Variants in DHRS12 observed in about 807,000 individuals in gnomAD.
DHRS12 encodes dehydrogenase/reductase 12, also known as dehydrogenase/reductase SDR family member 12.
DHRS12 carries 29 observed loss-of-function variants against 32.1 expected under a neutral mutation model. The observed-to-expected ratio is 0.90, with a 90% CI of 0.67 to 1.23. The LOEUF (loss-of-function observed/expected upper bound fraction) is 1.23, where lower values mean the gene tolerates loss of function less well. DHRS12 is among the 50% of genes most tolerant of loss of function. DHRS12 has a pLI of 0.00. For missense variants in DHRS12, 330 were observed against 337.2 expected (o/e 0.98, Z 0.17); for synonymous variants, 150 against 135.9 (o/e 1.10, Z -0.72).
At chr13:51,790,785 A>G (rs1181933175) in intron 3 of DHRS12, among the ~76,000 whole-genome samples, 1 of 152,196 alleles carries the variant, frequency 6.6e-6, no homozygotes, top group Admixed American at 6.5e-5. Flanking sequence ...TGTGCTAATT[A>G]TGTTACTAAA....
At chr13:51,801,478 G>A (rs1405480660) in intron 1 of DHRS12, among the ~76,000 whole-genome samples, 7 of 152,256 alleles carry the variant, frequency 4.6e-5, no homozygotes, top group Non-Finnish European at 2.9e-5. Context: ...ATAAGCCACC[G>A]CACCCAGGTG....
At chr13:51,768,907 G>A (rs2138868928) in intron 8 of DHRS12, 1 of 1,385,398 alleles carries the variant, frequency 7.2e-7, no homozygotes, top group East Asian at 2.9e-5. Context: ...GGTAGGAACT[G>A]CCTCTCCCGT....
chr13:51,767,746 GCACAGT>G (rs1465976685), downstream of DHRS12: 4 of 157,582 alleles, frequency 2.5e-5, no homozygotes, highest in African/African-American at 1.1e-4. Context: ...CTGGGACCAT[GCACAGT>G]AAAGGCAGTG....
chr13:51,789,036 T>G (rs1044875471), intron 4 of DHRS12, among the ~76,000 whole-genome samples: 1 of 152,228 alleles, frequency 6.6e-6, no homozygotes, highest in South Asian at 2.1e-4. Flanking sequence ...GCTCTTGCAC[T>G]GAGCCATGCC....
In DHRS12 at chr13:51,803,183, C is replaced by G. The variant is rs541859032; in HGVS notation, c.-9+871G>C. 1.1e-4 allele frequency among the ~76,000 whole-genome samples: 17 copies of G among 152,270 alleles called. No individual in the cohort carries two copies. The South Asian group carries it at 3.5e-3, about 32-fold the overall frequency. ...AGCAGGGAGTTGCAACTCCTACCTCCCCTAGGAGTGCTGGCCAGGTTGCCG... is the reference window on the plus strand; with the variant it reads ...AGCAGGGAGTTGCAACTCCTACCTCGCCTAGGAGTGCTGGCCAGGTTGCCG... On this transcript the variant is annotated intron_variant, in intron 1 of 8. Transcript: ENST00000444610.
chr13:51,795,725 C>T (rs917736959), intron 2 of DHRS12, among the ~76,000 whole-genome samples: 7 of 152,192 alleles, frequency 4.6e-5, no homozygotes, highest in South Asian at 2.1e-4. Context: ...AGAGGAGATT[C>T]GCCATCACCA....
intron 4 of DHRS12, chr13:51,789,759 A>G (rs546841382): frequency 1.0e-6 from 1 of 985,456 alleles, no homozygotes; most frequent in Admixed American, 6.1e-5. Context: ...ATGTCTATAA[A>G]CAGCCTAGCG....
At chr13:51,798,408 A>G (rs1029566567) in intron 2 of DHRS12, among the ~76,000 whole-genome samples, 1 of 152,246 alleles carries the variant, frequency 6.6e-6, no homozygotes, top group East Asian at 1.9e-4. Context: ...AGCAGCCCTC[A>G]TATTATCCCA....
intron 6 of DHRS12, 92 bp from the exon 7 acceptor site, chr13:51,772,003 T>A: frequency 8.0e-7 from 1 of 1,246,378 alleles, no homozygotes. Context: ...CTGGCTTATC[T>A]TACACTGGAC....
chr13:51,785,234 A>T (rs913160169), intron 4 of DHRS12, among the ~76,000 whole-genome samples: 3 of 152,204 alleles, frequency 2.0e-5, no homozygotes, highest in Non-Finnish European at 4.4e-5. Flanking sequence ...TCTCAAAAAA[A>T]ACCAGAATGT....
chr13:51,771,397 G>A lies in DHRS12; in HGVS notation c.559+424C>T, dbSNP rs1261258786. The A allele has an allele frequency of 1.9e-6, 3 of 1,614,122 alleles. No homozygotes were observed. In the Admixed American group the frequency reaches 5.0e-5, roughly 27 times the overall value. ...TCATTCGAGCTGTGTCCTTGTGGCT[G>A]GCATTTACCTTCATGCATCATTATT... On this transcript the variant is annotated intron_variant, in intron 7 of 8. Coordinates refer to ENST00000444610, the MANE Select transcript of DHRS12 (RefSeq NM_001377533.1).
At position 51,771,375 on chromosome 13, in the gene DHRS12, T is replaced by C. The variant is rs1338021508; in HGVS notation, c.559+446A>G. 4 of 1,613,830 alleles carry C rather than the reference T, an allele frequency of 2.5e-6. No individual in the cohort carries two copies. The Admixed American group carries it at 6.7e-5, about 27-fold the overall frequency. Reference sequence around the variant, plus strand: ...GCTGCTCCAACACGCTTCCAGATCATTCGAGCTGTGTCCTTGTGGCTGGCA... The same window carrying C: ...GCTGCTCCAACACGCTTCCAGATCACTCGAGCTGTGTCCTTGTGGCTGGCA... On this transcript the variant is annotated intron_variant, in intron 7 of 8. Transcript: ENST00000444610.
intron 7 of DHRS12, chr13:51,771,450 G>T: frequency 6.2e-7 from 1 of 1,614,176 alleles, no homozygotes; most frequent in Non-Finnish European, 8.5e-7. Context: ...TGGTGAGGCA[G>T]TCTGGGCCTC....
chr13:51,769,322 G>A, intron 7 of DHRS12, 29 bp from the exon 8 acceptor site: 2 of 1,460,470 alleles, frequency 1.4e-6, no homozygotes, highest in South Asian at 1.4e-5. Flanking sequence ...AGGCGGATTA[G>A]GACAGCATTC....
chr13:51,772,312 A>G (rs1954065095), intron 6 of DHRS12, among the ~76,000 whole-genome samples: 1 of 152,152 alleles, frequency 6.6e-6, no homozygotes, highest in African/African-American at 2.4e-5. Flanking sequence ...CCCCCAGCAC[A>G]GACCGGCATA....
rs530496364 is a variant in DHRS12 at position 51,768,865 on chromosome 13, A to G, written c.697+291T>C. 4.2e-5 allele frequency: 57 copies of G among 1,360,604 alleles called. No homozygotes were observed. The East Asian group carries it at 1.4e-3, about 34-fold the overall frequency. The allele number at this position is 1,360,604 out of a possible 1,614,324, so 84.3% of individuals were successfully genotyped here. A position where few individuals can be genotyped will look rare whatever the true frequency, so the allele number is the denominator to read the frequency against. On this transcript the variant is annotated intron_variant, in intron 8 of 8. Coordinates refer to ENST00000444610, the MANE Select transcript of DHRS12 (RefSeq NM_001377533.1). ...TTGAATAGCGCCCCTCCTGGGCCTC[A>G]GCAAACTGCAGAGAAAATCTTCCAT...
intron 8 of DHRS12, 65 bp downstream of exon 8, chr13:51,769,091 C>G: frequency 6.5e-7 from 1 of 1,545,794 alleles, no homozygotes; most frequent in Non-Finnish European, 8.7e-7. Context: ...GAAGGTGCGC[C>G]TCGAAGGCCC....
rs1276190932 is a variant in DHRS12, at chr13:51,790,094, T to A, written c.220-2A>T. ...GACCATGCAACCTGCATTATTGATC[T>A]AAAATTTATAGTTCTCATTTCAAAA... On this transcript the variant is annotated splice_acceptor_variant, in intron 3 of 8. Coordinates refer to ENST00000444610, the MANE Select transcript of DHRS12 (RefSeq NM_001377533.1). LOFTEE classifies it high-confidence loss of function. 6.3e-7 allele frequency: 1 copy of A among 1,575,420 alleles called. No homozygotes were observed. The highest frequency in any genetic ancestry group is 2.3e-5 in the East Asian group (1 of 43,394).
chr13:51,767,797 G>GGGGGGGGGGGGGGGGGGGT (rs1555269036), downstream of DHRS12: 1 of 69,076 alleles, frequency 1.4e-5, no homozygotes, highest in Non-Finnish European at 2.7e-5. Flanking sequence ...GGGGGGGGGG[G>GGGGGGGGGGGGGGGGGGGT]TGCACAGCGC....
Sources: allele counts gnomAD v4.1 joint callset (sites outside exome capture counted in the v4.1 genomes callset), GRCh38; gene constraint gnomAD v4.1.1; transcripts MANE v1.5; gene names NCBI Gene and HGNC (gene_info 2026-07-23, HGNC 2026-07-21).